NFIB: variants seen among roughly 807,000 people sequenced by gnomAD.
NFIB encodes nuclear factor 1 B-type.
Under a neutral mutation model 61.5 loss-of-function variants are expected in NFIB, and 11 were observed. That is an observed-to-expected ratio of 0.18 (90% CI 0.11 to 0.30). The LOEUF (loss-of-function observed/expected upper bound fraction) is 0.30, where lower values mean the gene tolerates loss of function less well. Among genes scored for constraint, NFIB ranks in the 10% least tolerant of loss-of-function variants. NFIB has a pLI of 1.00. For missense variants in NFIB, 471 were observed against 608.9 expected, an observed-to-expected ratio of 0.77 and a Z score of 2.38; for synonymous variants, 260 against 216.5, an observed-to-expected ratio of 1.20 and a Z score of -1.76.
the NFIB span, among the ~76,000 whole-genome samples, chr9:14,490,199 A>G: frequency 6.6e-6 from 1 of 152,174 alleles, no homozygotes; most frequent in East Asian, 1.9e-4. Context: ...CTAATGAGTG[A>G]AGCATTTGCA....
chr9:14,115,668 C>T (rs765754077), intron 9 of NFIB, among the ~76,000 whole-genome samples: 1 of 152,088 alleles, frequency 6.6e-6, no homozygotes, highest in Non-Finnish European at 1.5e-5. Flanking sequence ...TTACATGTGC[C>T]TAATACTAAG....
chr9:14,136,036 C>T (rs1028488389), intron 6 of NFIB, among the ~76,000 whole-genome samples: 1 of 152,034 alleles, frequency 6.6e-6, no homozygotes, highest in African/African-American at 2.4e-5. Flanking sequence ...AAAAAGGTCT[C>T]GAGGCTACAC....
the NFIB span, among the ~76,000 whole-genome samples, chr9:14,454,547 T>C: frequency 2.0e-5 from 3 of 152,256 alleles, no homozygotes; most frequent in African/African-American, 7.2e-5. Flanking sequence ...ACCTATTTTA[T>C]GTTTTCTTAC....
intron 2 of NFIB, among the ~76,000 whole-genome samples, chr9:14,188,527 G>C (rs1257549080): frequency 6.6e-6 from 1 of 152,162 alleles, no homozygotes; most frequent in Non-Finnish European, 1.5e-5. Context: ...ATTTTATGAA[G>C]ATTGCATATT....
chr9:14,182,173 T>C (rs2046850923), intron 2 of NFIB, among the ~76,000 whole-genome samples: 1 of 152,118 alleles, frequency 6.6e-6, no homozygotes, highest in Non-Finnish European at 1.5e-5. Flanking sequence ...ATTGAAAAAA[T>C]ATACTTACTA....
the NFIB span, among the ~76,000 whole-genome samples, chr9:14,458,732 C>G: frequency 6.6e-6 from 1 of 152,086 alleles, no homozygotes; most frequent in African/African-American, 2.4e-5. Flanking sequence ...AACAGACAAA[C>G]AGAGAGCCAA....
chr9:14,249,894 C>T (rs542676016), intron 2 of NFIB, among the ~76,000 whole-genome samples: 3 of 152,230 alleles, frequency 2.0e-5, no homozygotes, highest in African/African-American at 4.8e-5. Context: ...AGAGGAATTC[C>T]GGAACAAGGC....
At position 14,367,424 on chromosome 9, in the gene NFIB, T is replaced by C. The variant is rs187022471; in HGVS notation, c.108+31100A>G. Among the ~76,000 whole-genome samples, 4 of 151,774 alleles carry C rather than the reference T, an allele frequency of 2.6e-5. No individual in the cohort carries two copies. In the East Asian group the frequency reaches 7.9e-4, roughly 30 times the overall value. On this transcript the variant is annotated intron_variant, in intron 1 of 8. Transcript: ENST00000380934. ...AAGACATGCCAAGCAGAGGGACTAG[T>C]AAGTGCAGAGGGATCAGAGGTGTGA...
chr9:14,437,692 G>T, the NFIB span, among the ~76,000 whole-genome samples: 26 of 152,150 alleles, frequency 1.7e-4, no homozygotes, highest in Admixed American at 1.7e-3. Flanking sequence ...GACCGGAGGG[G>T]GTCCCCCACC....
chr9:14,204,945 G>T, intron 2 of NFIB: 1 of 338,530 alleles, frequency 3.0e-6, no homozygotes, highest in South Asian at 3.5e-5. Flanking sequence ...AATGAGATCC[G>T]TCATCACTGG....
At chr9:14,449,769 A>C in the NFIB span, among the ~76,000 whole-genome samples, 2 of 151,904 alleles carry the variant, frequency 1.3e-5, no homozygotes, top group East Asian at 3.9e-4. Flanking sequence ...GTCTCTACTA[A>C]AAATACAAAA....
chr9:14,158,127 C>A (rs139558019), intron 3 of NFIB, among the ~76,000 whole-genome samples: 62 of 145,748 alleles, frequency 4.3e-4, no homozygotes, highest in East Asian at 6.0e-4. Context: ...AAAAAAAAAA[C>A]AAAACAAAAC....
At chr9:14,411,934 A>G in the NFIB span, among the ~76,000 whole-genome samples, 1 of 152,152 alleles carries the variant, frequency 6.6e-6, no homozygotes, top group East Asian at 1.9e-4. Context: ...GAGCAGCCCA[A>G]AGAGAGGCCT....
intron 2 of NFIB, among the ~76,000 whole-genome samples, chr9:14,224,579 A>G (rs921784666): frequency 5.9e-5 from 9 of 152,256 alleles, no homozygotes; most frequent in African/African-American, 2.2e-4. Context: ...ACTGAGTACT[A>G]TGCTGAATCC....
At chr9:14,367,560 G>C (rs2061314758) in intron 1 of NFIB, among the ~76,000 whole-genome samples, 2 of 152,100 alleles carry the variant, frequency 1.3e-5, no homozygotes, top group South Asian at 4.1e-4. Flanking sequence ...TTCGTTGATA[G>C]GGAAATGCTG....
chr9:14,300,593 T>C (rs943437186), intron 2 of NFIB, among the ~76,000 whole-genome samples: 7 of 152,226 alleles, frequency 4.6e-5, no homozygotes, highest in Admixed American at 4.6e-4. Flanking sequence ...CATGTGCTCT[T>C]TGCACTCTTT....
rs1255240140 is a variant in NFIB, at chr9:14,314,023, T to A, written c.-512A>T. 65 of 1,066,978 alleles carry A rather than the reference T, an allele frequency of 6.1e-5. No individual in the cohort carries two copies. The East Asian group carries it at 3.2e-3, about 53-fold the overall frequency. 66.1% of individuals were successfully genotyped at this position (1,066,978 alleles called of 1,614,324 possible). A position where few individuals can be genotyped will look rare whatever the true frequency, so the allele number is the denominator to read the frequency against. ...GAGCGGGGAGAATGTGTCACCGCGCTGGGAAAGTTCAAGGTTACAGCCCCA... is the reference window on the plus strand; with the variant it reads ...GAGCGGGGAGAATGTGTCACCGCGCAGGGAAAGTTCAAGGTTACAGCCCCA... On this transcript the variant is annotated 5_prime_UTR_variant, in exon 1 of 11. Transcript: ENST00000380953.
chr9:14,174,143 A>G (rs2045881807), intron 3 of NFIB, among the ~76,000 whole-genome samples: 1 of 152,104 alleles, frequency 6.6e-6, no homozygotes, highest in South Asian at 2.1e-4. Flanking sequence ...GTTAGAGGAT[A>G]AAGAAGAAAA....
intron 2 of NFIB, among the ~76,000 whole-genome samples, chr9:14,240,265 C>T (rs1345432902): frequency 1.3e-5 from 2 of 151,912 alleles, no homozygotes; most frequent in Middle Eastern, 3.4e-3. Flanking sequence ...CTCCCTCTCT[C>T]TTTCTCTCCC....
Sources: allele counts gnomAD v4.1 joint callset (sites outside exome capture counted in the v4.1 genomes callset), GRCh38; gene constraint gnomAD v4.1.1; transcripts MANE v1.5; gene names NCBI Gene and HGNC (gene_info 2026-07-23, HGNC 2026-07-21).